Variants in OPRM1 observed in about 807,000 individuals in gnomAD.
OPRM1 encodes the protein mu-type opioid receptor.
In OPRM1, 27 loss-of-function variants were observed where a neutral mutation model predicts 31.8. The ratio of observed to expected loss-of-function variants is 0.85; its 90% CI spans 0.63 to 1.17. OPRM1 has a LOEUF of 1.17. Ranked by LOEUF, OPRM1 falls within the 50% of genes most tolerant of loss-of-function variation. The probability of loss-of-function intolerance (pLI) is 0.00; values close to 1 mark genes in which losing one functional copy is unlikely to be tolerated. For synonymous variants in OPRM1, 196 were observed against 189.9 expected (o/e 1.03, Z -0.26); for missense variants, 536 against 511.1 (o/e 1.05, Z -0.47).
chr6:154,244,301 G>GGTGGGTGT (rs71802413), intron 3 of OPRM1, among the ~76,000 whole-genome samples: 24 of 148,060 alleles, frequency 1.6e-4, no homozygotes, highest in African/African-American at 5.5e-4. Flanking sequence ...TGTGTGGGTG[G>GGTGGGTGT]GTGTGTGTGT....
chr6:154,153,869 G>T (rs894199029), intron 3 of OPRM1, among the ~76,000 whole-genome samples: 1 of 152,146 alleles, frequency 6.6e-6, no homozygotes, highest in African/African-American at 2.4e-5. Context: ...AACCTTCCTC[G>T]AACTGTGAGT....
intron 1 of OPRM1, among the ~76,000 whole-genome samples, chr6:154,024,384 T>C (rs1301620556): frequency 5.9e-5 from 9 of 152,044 alleles, no homozygotes; most frequent in Non-Finnish European, 1.5e-5. Flanking sequence ...AGTTCTAATG[T>C]CTTCTCTTTC....
At chr6:154,044,073 T>C (rs1484714980) in intron 1 of OPRM1, among the ~76,000 whole-genome samples, 1 of 152,078 alleles carries the variant, frequency 6.6e-6, no homozygotes, top group African/African-American at 2.4e-5. Flanking sequence ...AAAAAATATA[T>C]AATTACAGAA....
Position 154,130,513 on chromosome 6 carries a change from G to A in OPRM1, c.*11792G>A, listed in dbSNP as rs1797835691. Among the ~76,000 whole-genome samples the A allele has an allele frequency of 6.6e-6, 1 of 151,942 alleles. No individual in the cohort carries two copies. Among genetic ancestry groups the A allele is most frequent in the Non-Finnish European group, 1.5e-5 (1 of 67,998 alleles). On this transcript the variant is annotated 3_prime_UTR_variant, in exon 4 of 4. Coordinates refer to ENST00000330432, the MANE Select transcript of OPRM1 (RefSeq NM_000914.5). ...AAATCTTGAATCCATAAAATTCAAT[G>A]CTACCATTTATAATTTAATACTCCT...
chr6:154,178,504 C>A (rs1456762985), intron 3 of OPRM1, among the ~76,000 whole-genome samples: 1 of 151,938 alleles, frequency 6.6e-6, no homozygotes, highest in Non-Finnish European at 1.5e-5. Context: ...TATCTTCCTC[C>A]CCCTCTTCCA....
intron 3 of OPRM1, among the ~76,000 whole-genome samples, chr6:154,176,889 A>C (rs1016217234): frequency 1.3e-5 from 2 of 152,244 alleles, no homozygotes; most frequent in African/African-American, 2.4e-5. Flanking sequence ...ACTTCAAACT[A>C]TACCACAAGG....
chr6:154,181,289 G>A (rs1407579877), intron 3 of OPRM1, among the ~76,000 whole-genome samples: 2 of 152,238 alleles, frequency 1.3e-5, no homozygotes, highest in East Asian at 3.9e-4. Flanking sequence ...TTCCTGTTGG[G>A]TAGAGATAAC....
chr6:154,042,225 T>C (rs111721738), intron 1 of OPRM1, among the ~76,000 whole-genome samples: 4 of 152,340 alleles, frequency 2.6e-5, no homozygotes, highest in South Asian at 2.1e-4. Context: ...TAGTGACAGA[T>C]GAAGCGACAG....
At position 154,126,580 on chromosome 6, in the gene OPRM1, T is replaced by A. The variant is rs1161121391; in HGVS notation, c.*7859T>A. ...AGTGCTTTTCATATTCTGTATCTGG[T>A]TGTGGTGGCAATGTCACCACCCTAC... On this transcript the variant is annotated 3_prime_UTR_variant, in exon 4 of 4. Coordinates refer to ENST00000330432, the MANE Select transcript of OPRM1 (RefSeq NM_000914.5). Among the ~76,000 whole-genome samples the A allele has an allele frequency of 6.6e-6, 1 of 152,168 alleles. No individual in the cohort carries two copies. Among genetic ancestry groups the A allele is most frequent in the Non-Finnish European group, 1.5e-5 (1 of 68,032 alleles).
chr6:154,179,562 C>T (rs1800658304), intron 3 of OPRM1, among the ~76,000 whole-genome samples: 1 of 152,144 alleles, frequency 6.6e-6, no homozygotes, highest in South Asian at 2.1e-4. Flanking sequence ...GTTTCCAATG[C>T]AATTTTTATC....
chr6:154,152,486 C>A (rs1003977165), intron 3 of OPRM1, among the ~76,000 whole-genome samples: 1 of 152,094 alleles, frequency 6.6e-6, no homozygotes, highest in African/African-American at 2.4e-5. Flanking sequence ...CTCAGAAAAG[C>A]CCCCTCACAC....
chr6:154,102,018 C>A (rs978742402), intron 3 of OPRM1, among the ~76,000 whole-genome samples: 7 of 152,164 alleles, frequency 4.6e-5, no homozygotes, highest in African/African-American at 1.7e-4. Flanking sequence ...CAGCTCCCTG[C>A]AGCCTCTACT....
At chr6:154,140,314 A>C (rs1798163946) in intron 3 of OPRM1, among the ~76,000 whole-genome samples, 1 of 150,470 alleles carries the variant, frequency 6.6e-6, no homozygotes. Context: ...TAGAAAGTTT[A>C]GCCGTTTATG....
At chr6:154,077,506 G>A (rs915560799) in intron 1 of OPRM1, among the ~76,000 whole-genome samples, 17 of 151,642 alleles carry the variant, frequency 1.1e-4, no homozygotes, top group Middle Eastern at 3.4e-3. Context: ...TGAGGTGGGC[G>A]GATTGGTTGA....
chr6:154,079,012 C>T (rs1041494567), intron 1 of OPRM1, among the ~76,000 whole-genome samples: 2 of 152,060 alleles, frequency 1.3e-5, no homozygotes, highest in Non-Finnish European at 2.9e-5. Flanking sequence ...GAGAGGAAAA[C>T]GTTCTGGGCT....
chr6:154,087,265 T>A (rs958990126), intron 1 of OPRM1: 2 of 985,298 alleles, frequency 2.0e-6, no homozygotes, highest in African/African-American at 3.5e-5. Context: ...CTGAGGAGAT[T>A]TATGAAATCA....
In OPRM1 at chr6:154,091,492, A is replaced by T; in HGVS notation, c.1164+20A>T. 6.3e-7 allele frequency: 1 copy of T among 1,596,494 alleles called. No individual in the cohort carries two copies. On this transcript the variant is annotated intron_variant, in intron 3 of 3. Coordinates refer to ENST00000330432, the MANE Select transcript of OPRM1 (RefSeq NM_000914.5). ...CATCAGGTACGCAGTCTCTAGAATT[A>T]GGTATATCTACTGGGGATGACATAA...
chr6:154,094,194 A>G (rs1351013717), intron 3 of OPRM1: 3 of 1,280,382 alleles, frequency 2.3e-6, no homozygotes, highest in Non-Finnish European at 3.1e-6. Flanking sequence ...ACATTAGTCA[A>G]CTTCATATTC....
intron 3 of OPRM1, chr6:154,108,103 C>T: frequency 1.6e-6 from 1 of 616,282 alleles, no homozygotes; most frequent in Non-Finnish European, 2.9e-6. Context: ...CCCTGAGCGG[C>T]CCTAGTGATC....
Sources: gnomAD v4.1 joint callset for allele counts (sites outside exome capture counted in the v4.1 genomes callset) on GRCh38, gnomAD v4.1.1 for gene constraint, MANE v1.5 for transcripts, NCBI Gene and HGNC (gene_info 2026-07-23, HGNC 2026-07-21) for gene names.